Variants in SANBR observed in about 807,000 individuals in gnomAD.
SANBR encodes the protein SANT and BTB domain regulator of class switch recombination.
In SANBR, 77 loss-of-function variants were observed where a neutral mutation model predicts 101.8. That is an observed-to-expected ratio of 0.76 (90% CI 0.63 to 0.91). SANBR has a LOEUF of 0.91. Among genes scored for constraint, SANBR ranks in the 40% least tolerant of loss-of-function variants. The pLI is 0.00. For missense variants in SANBR, 875 were observed against 853.0 expected (o/e 1.03, Z -0.32); for synonymous variants, 279 against 274.7 (o/e 1.02, Z -0.15).
chr2:61,092,593 A>AT lies in SANBR; in HGVS notation c.1212+17dup, dbSNP rs369817534. Reference sequence around the variant, plus strand: ...CTTGTTCAAGATGTTATCAGGTAAGATTTTTTTTTTTAAATATCCTGCTCT... The same window carrying AT: ...CTTGTTCAAGATGTTATCAGGTAAGATTTTTTTTTTTTAAATATCCTGCTCT... On this transcript the variant is annotated splice_region_variant and intron_variant, in intron 11 of 21. Coordinates refer to ENST00000402291, the MANE Select transcript of SANBR (RefSeq NM_001129993.3). 40,207 of 1,339,290 alleles carry AT rather than the reference A, an allele frequency of 0.03. 202 individuals carry two copies. Among genetic ancestry groups the AT allele is most frequent in the African/African-American group, 0.052 (3,526 of 67,204 alleles). 83.0% of individuals were successfully genotyped at this position (1,339,290 alleles called of 1,614,324 possible). A position where few individuals can be genotyped will look rare whatever the true frequency, so the allele number is the denominator to read the frequency against.
chr2:61,089,896 G>A (rs925693592), intron 10 of SANBR, among the ~76,000 whole-genome samples: 9 of 152,044 alleles, frequency 5.9e-5, no homozygotes, highest in African/African-American at 1.9e-4. Flanking sequence ...GGGCTCAAGA[G>A]ATCTTCTTGC....
At chr2:61,074,694 G>A (rs200157857) in intron 5 of SANBR, among the ~76,000 whole-genome samples, 3 of 152,046 alleles carry the variant, frequency 2.0e-5, no homozygotes, top group Admixed American at 6.6e-5. Flanking sequence ...GTGATCCACC[G>A]CATCTGGCCA....
chr2:61,081,768 C>T (rs770187265), intron 7 of SANBR, among the ~76,000 whole-genome samples: 34 of 152,130 alleles, frequency 2.2e-4, no homozygotes, highest in Admixed American at 2.6e-4. Flanking sequence ...CCCACCTCAG[C>T]CTCCCGAGTA....
Position 61,065,976 on chromosome 2 carries a change from C to G in SANBR, c.-198C>G, listed in dbSNP as rs1203872771. 1 of 152,136 alleles carries G rather than the reference C, an allele frequency of 6.6e-6. No homozygotes were observed. The highest frequency in any genetic ancestry group is 1.5e-5 in the Non-Finnish European group (1 of 68,066). The allele number at this position is 152,136 out of a possible 1,614,324, so 9.4% of individuals were successfully genotyped here. A position where few individuals can be genotyped will look rare whatever the true frequency, so the allele number is the denominator to read the frequency against. The stretch of plus-strand genomic sequence containing the variant: ...TTCAGGGCGCGAGCGCGGGCGGTGC[C>G]GACCACTGCAGGTAACAGAGGCGCT... On this transcript the variant is annotated 5_prime_UTR_variant, in exon 1 of 22. Transcript: ENST00000402291.
chr2:61,123,685 A>C lies in SANBR; in HGVS notation c.*1523A>C, dbSNP rs1050154638. 1 of 985,056 alleles carries C rather than the reference A, an allele frequency of 1.0e-6. No homozygotes were observed. Among genetic ancestry groups the C allele is most frequent in the Non-Finnish European group, 1.2e-6 (1 of 829,568 alleles). 61.0% of individuals were successfully genotyped at this position (985,056 alleles called of 1,614,324 possible). On this transcript the variant is annotated 3_prime_UTR_variant, in exon 22 of 22. Coordinates refer to ENST00000402291, the MANE Select transcript of SANBR (RefSeq NM_001129993.3). ...ACGACTAGATAAGGAAAAAATATAT[A>C]TGCTCTTTTGATTTTTAACTGATGG...
intron 10 of SANBR, 93 bp downstream of exon 10, chr2:61,088,561 C>G (rs754555509): frequency 3.6e-6 from 3 of 839,518 alleles, no homozygotes; most frequent in Non-Finnish European, 5.2e-6. Context: ...ACTCTGTCAC[C>G]CAGGCTGGCG....
At chr2:61,094,638 CTTTTTTTTTT>C (rs35061669) in intron 11 of SANBR, among the ~76,000 whole-genome samples, 1 of 79,016 alleles carries the variant, frequency 1.3e-5, no homozygotes, top group African/African-American at 5.1e-5. Context: ...TATTTCTCTT[CTTTTTTTTTT>C]TTTTTTTTTT....
intron 5 of SANBR, among the ~76,000 whole-genome samples, chr2:61,076,346 G>A (rs1389473539): frequency 4.7e-5 from 7 of 149,406 alleles, no homozygotes; most frequent in Non-Finnish European, 8.9e-5. Flanking sequence ...GGCTGGGCGC[G>A]GTGGCTCACG....
At chr2:61,134,624 G>A (rs1684789972) in intron 21 of SANBR, among the ~76,000 whole-genome samples, 1 of 152,244 alleles carries the variant, frequency 6.6e-6, no homozygotes. Flanking sequence ...GCCAGGCACG[G>A]TGGCTCACGC....
At position 61,084,215 on chromosome 2, in the gene SANBR, A is replaced by T. The variant is rs138092930; in HGVS notation, c.890+901A>T. 2.4e-4 allele frequency among the ~76,000 whole-genome samples: 37 copies of T among 152,258 alleles called. No individual in the cohort carries two copies. In the East Asian group the frequency reaches 7.0e-3, roughly 29 times the overall value. The stretch of plus-strand genomic sequence containing the variant: ...GCAATCCACCCGCCTTGGCCTCCCA[A>T]AGTGCTGGGATTACAGGTGTGAGCC... On this transcript the variant is annotated intron_variant, in intron 8 of 21. Coordinates refer to ENST00000402291, the MANE Select transcript of SANBR (RefSeq NM_001129993.3).
intron 15 of SANBR, 23 bp from the exon 16 acceptor site, chr2:61,109,174 T>C: frequency 1.7e-6 from 2 of 1,181,070 alleles, no homozygotes; most frequent in Non-Finnish European, 2.4e-6. Flanking sequence ...ATTACATTTA[T>C]AATAGATTTT....
Position 61,123,253 on chromosome 2 carries a change from CTT to C in SANBR, c.*1092_*1093del. 1.0e-6 allele frequency: 1 copy of C among 976,772 alleles called. No homozygotes were observed. The highest frequency in any genetic ancestry group is 1.2e-6 in the Non-Finnish European group (1 of 822,098). 60.5% of individuals were successfully genotyped at this position (976,772 alleles called of 1,614,324 possible). A position where few individuals can be genotyped will look rare whatever the true frequency, so the allele number is the denominator to read the frequency against. ...ATGCACTGTTTCTATTTTTTTAAGT[CTT>C]AATTTGCCTTATAACTGACATTTCT... On this transcript the variant is annotated 3_prime_UTR_variant, in exon 22 of 22. Coordinates refer to ENST00000402291, the MANE Select transcript of SANBR (RefSeq NM_001129993.3).
At chr2:61,070,719 ATT>A (rs997127252) in intron 3 of SANBR, among the ~76,000 whole-genome samples, 4 of 147,262 alleles carry the variant, frequency 2.7e-5, no homozygotes, top group African/African-American at 9.8e-5. Context: ...TAGTATATAT[ATT>A]TATATATAAT....
chr2:61,073,210 G>C (rs1356449804), intron 4 of SANBR, among the ~76,000 whole-genome samples: 1 of 152,074 alleles, frequency 6.6e-6, no homozygotes, highest in Non-Finnish European at 1.5e-5. Flanking sequence ...ATCCCTGTTT[G>C]TACACACCAC....
intron 12 of SANBR, among the ~76,000 whole-genome samples, chr2:61,098,200 C>G (rs922933187): frequency 2.0e-5 from 3 of 151,330 alleles, no homozygotes; most frequent in Admixed American, 6.6e-5. Flanking sequence ...GCCTCCCAGG[C>G]TCAAACAATC....
chr2:61,122,815 A>G lies in SANBR; in HGVS notation c.*653A>G. ...TTCAGTTTTTAATGCTTATCTATTGATCATCTGAGCTGGAATTACTGATTA... is the reference window on the plus strand; with the variant it reads ...TTCAGTTTTTAATGCTTATCTATTGGTCATCTGAGCTGGAATTACTGATTA... On this transcript the variant is annotated 3_prime_UTR_variant, in exon 22 of 22. Coordinates refer to ENST00000402291, the MANE Select transcript of SANBR (RefSeq NM_001129993.3). 1 of 985,306 alleles carries G rather than the reference A, an allele frequency of 1.0e-6. No homozygotes were observed. The highest frequency in any genetic ancestry group is 1.2e-6 in the Non-Finnish European group (1 of 829,792). The allele number at this position is 985,306 out of a possible 1,614,324, so 61.0% of individuals were successfully genotyped here.
exon 21 of SANBR, chr2:61,134,220 G>C (rs775633823): frequency 1.9e-6 from 3 of 1,606,606 alleles, no homozygotes; most frequent in Non-Finnish European, 2.6e-6. Context: ...TGATGACAGT[G>C]TTGCTGTGTT....
chr2:61,107,137 C>T (rs1573646013), intron 14 of SANBR, among the ~76,000 whole-genome samples: 1 of 151,416 alleles, frequency 6.6e-6, no homozygotes, highest in Middle Eastern at 3.4e-3. Context: ...TACTGCACTC[C>T]ACCCTGGGTG....
chr2:61,127,084 C>T (rs1191687857), downstream of SANBR, among the ~76,000 whole-genome samples: 2 of 152,138 alleles, frequency 1.3e-5, no homozygotes, highest in Non-Finnish European at 2.9e-5. Flanking sequence ...CTGATACTTT[C>T]CTTCCTTTAT....
Sources: allele counts gnomAD v4.1 joint callset (sites outside exome capture counted in the v4.1 genomes callset), GRCh38; gene constraint gnomAD v4.1.1; transcripts MANE v1.5; gene names NCBI Gene and HGNC (gene_info 2026-07-23, HGNC 2026-07-21).